Variants in NMRAL1 observed in about 807,000 individuals in gnomAD.
NMRAL1 encodes nmrA-like family domain-containing protein 1.
Under a neutral mutation model 27.5 loss-of-function variants are expected in NMRAL1, and 32 were observed. The observed-to-expected ratio is 1.16, with a 90% CI of 0.88 to 1.56. The LOEUF is 1.56. NMRAL1 is among the 40% of genes most tolerant of loss of function. NMRAL1 has a pLI of 0.00. For missense variants in NMRAL1, 420 were observed against 392.0 expected, an observed-to-expected ratio of 1.07 and a Z score of -0.60; for synonymous variants, 166 against 166.8, an observed-to-expected ratio of 1.00 and a Z score of 0.04.
intron 1 of NMRAL1, 65 bp downstream of exon 1, chr16:4,474,489 A>G (rs2057750884): frequency 4.0e-6 from 1 of 252,382 alleles, no homozygotes; most frequent in South Asian, 5.7e-5. Flanking sequence ...GGCCGAGTCC[A>G]CTGCAGAGGC....
chr16:4,469,579 AACG>A, intron 2 of NMRAL1, 114 bp from the exon 3 acceptor site: 1 of 1,535,644 alleles, frequency 6.5e-7, no homozygotes, highest in Non-Finnish European at 8.7e-7. Context: ...AAACCTTCTC[AACG>A]ACGATTCTCA....
intron 1 of NMRAL1, 27 bp from the exon 2 acceptor site, chr16:4,474,193 G>A: frequency 6.4e-7 from 1 of 1,565,544 alleles, no homozygotes; most frequent in Non-Finnish European, 8.7e-7. Context: ...GCGTGGAGTT[G>A]GGGGTGGGGC....
Position 4,463,863 on chromosome 16 carries a change from G to C in NMRAL1, c.530-13C>G. 3.1e-6 allele frequency: 5 copies of C among 1,609,694 alleles called. No homozygotes were observed. Among genetic ancestry groups the C allele is most frequent in the Non-Finnish European group, 4.2e-6 (5 of 1,176,956 alleles). ...CCTGTGGGCAAGCCTGTGGGGCAGA[G>C]ACGTGAGCTGGTATATGTCCCGAGG... On this transcript the variant is annotated splice_polypyrimidine_tract_variant and intron_variant, in intron 4 of 5. Coordinates refer to ENST00000283429, the MANE Select transcript of NMRAL1 (RefSeq NM_020677.6).
rs576478516 is a variant in NMRAL1, at chr16:4,462,143, A to G, written c.721-184T>C. ...ACTTCTAAGAGCCGAAAGTTCAGAA[A>G]CTGCTGCTCTCCTGAGCTGCCTGAC... On this transcript the variant is annotated intron_variant, in intron 5 of 5. Coordinates refer to ENST00000283429, the MANE Select transcript of NMRAL1 (RefSeq NM_020677.6). Among the ~76,000 whole-genome samples the G allele has an allele frequency of 4.6e-5, 7 of 152,320 alleles. 1 individual carries two copies. The South Asian group carries it at 1.5e-3, about 32-fold the overall frequency.
upstream of NMRAL1, among the ~76,000 whole-genome samples, chr16:4,475,172 C>G (rs1340457091): frequency 6.6e-6 from 1 of 151,812 alleles, no homozygotes; most frequent in Non-Finnish European, 1.5e-5. Context: ...AGGCAGGTCT[C>G]GAACTCCTGA....
rs17137053 is a variant in NMRAL1 at position 4,474,154 on chromosome 16, C to G, written c.-22G>C. On this transcript the variant is annotated 5_prime_UTR_variant, in exon 2 of 6. Transcript: ENST00000283429. Reference sequence around the variant, plus strand: ...CCATGAGGACGAGAATGGGACGAATCCGGTCCAGAGATCTGGGGGTAATGG... The same window carrying G: ...CCATGAGGACGAGAATGGGACGAATGCGGTCCAGAGATCTGGGGGTAATGG... The G allele has an allele frequency of 0.049, 78,378 of 1,608,280 alleles. 4,899 individuals carry two copies. Among genetic ancestry groups the G allele is most frequent in the African/African-American group, 0.3 (22,658 of 74,854 alleles).
At chr16:4,464,611 GTTTT>G (rs775753695) in intron 4 of NMRAL1, among the ~76,000 whole-genome samples, 2 of 133,052 alleles carry the variant, frequency 1.5e-5, no homozygotes, top group Non-Finnish European at 3.1e-5. Flanking sequence ...CTGACTGCAG[GTTTT>G]TTTTTTTTTT....
rs1234072941 is a variant in NMRAL1 at position 4,463,746 on chromosome 16, T to C, written c.634A>G (p.Ile212Val). 2.5e-6 allele frequency: 4 copies of C among 1,614,092 alleles called. No homozygotes were observed. The Admixed American group carries it at 6.7e-5, about 27-fold the overall frequency. ...KMPEKYVGQN[I>V]GLSTCRHTAE... is the part of the protein sequence containing the mutation. Reference sequence around the variant, plus strand: ...GTGTGCCTGCAAGTGCTCAGCCCGATGTTCTGGCCGACGTATTTTTCTGGC... The same window carrying C: ...GTGTGCCTGCAAGTGCTCAGCCCGACGTTCTGGCCGACGTATTTTTCTGGC... Residue 212 changes from isoleucine (I) to valine (V), a missense_variant, in exon 5 of 6, where the codon ATC becomes GTC. Coordinates refer to ENST00000283429, the MANE Select transcript of NMRAL1 (RefSeq NM_020677.6).
intron 2 of NMRAL1, among the ~76,000 whole-genome samples, chr16:4,473,728 C>T (rs2057693522): frequency 6.6e-6 from 1 of 151,882 alleles, no homozygotes; most frequent in Non-Finnish European, 1.5e-5. Flanking sequence ...GAGTTTGAGA[C>T]CAGCCTGACC....
intron 2 of NMRAL1, 120 bp from the exon 3 acceptor site, chr16:4,469,585 G>C: frequency 9.2e-6 from 14 of 1,526,986 alleles, no homozygotes; most frequent in Non-Finnish European, 9.6e-6. Context: ...TCTCAACGAC[G>C]ATTCTCATTC....
rs1266918173 is a variant in NMRAL1, at chr16:4,474,566, C to A, written c.-47G>T. 6.3e-6 allele frequency: 1 copy of A among 158,856 alleles called. No individual in the cohort carries two copies. 9.8% of individuals were successfully genotyped at this position (158,856 alleles called of 1,614,324 possible). A position where few individuals can be genotyped will look rare whatever the true frequency, so the allele number is the denominator to read the frequency against. The stretch of plus-strand genomic sequence containing the variant: ...GCTCCGGCCCCACCTGGCAGAGCGC[C>A]GCTCACGGAAGCCCAGCGTCGGAGG... On this transcript the variant is annotated 5_prime_UTR_variant, in exon 1 of 6. Transcript: ENST00000283429.
chr16:4,462,829 T>A (rs1211607515), intron 5 of NMRAL1, among the ~76,000 whole-genome samples: 2 of 151,610 alleles, frequency 1.3e-5, no homozygotes, highest in Non-Finnish European at 1.5e-5. Context: ...GACCCAACTT[T>A]CGTCTTTTAA....
intron 5 of NMRAL1, 125 bp downstream of exon 5, chr16:4,463,535 T>C (rs528195854): frequency 1.2e-5 from 9 of 752,624 alleles, no homozygotes; most frequent in Admixed American, 6.5e-5. Context: ...AAAATAAACG[T>C]TGACGATGAA....
intron 2 of NMRAL1, among the ~76,000 whole-genome samples, 185 bp downstream of exon 2, chr16:4,473,908 A>G (rs2057705235): frequency 6.6e-6 from 1 of 152,042 alleles, no homozygotes; most frequent in African/African-American, 2.4e-5. Context: ...CCTGGGTGAC[A>G]GAGCAAAACT....
At chr16:4,475,532 G>T (rs2057796524), upstream of NMRAL1, among the ~76,000 whole-genome samples, 1 of 151,278 alleles carries the variant, frequency 6.6e-6, no homozygotes, top group Non-Finnish European at 1.5e-5. Context: ...GGCTGGTCTC[G>T]AACTGCTGAC....
At chr16:4,470,986 A>G (rs1222139808) in intron 2 of NMRAL1, among the ~76,000 whole-genome samples, 1 of 151,284 alleles carries the variant, frequency 6.6e-6, no homozygotes, top group Non-Finnish European at 1.5e-5. Flanking sequence ...TGGAGCCTGT[A>G]ATCCCAGCTA....
intron 2 of NMRAL1, among the ~76,000 whole-genome samples, chr16:4,473,059 G>C (rs1009959400): frequency 6.8e-6 from 1 of 146,260 alleles, no homozygotes; most frequent in Non-Finnish European, 1.5e-5. Flanking sequence ...CTGCAGCCTT[G>C]ACCTGCTGGA....
intron 1 of NMRAL1, 181 bp from the exon 2 acceptor site, chr16:4,474,347 C>A (rs2057740257): frequency 1.9e-6 from 1 of 514,708 alleles, no homozygotes; most frequent in Non-Finnish European, 3.5e-6. Flanking sequence ...CCCTTGGGCC[C>A]GATCCCCTCC....
At chr16:4,469,572 C>G (rs533690822) in intron 2 of NMRAL1, 107 bp from the exon 3 acceptor site, 2 of 1,543,328 alleles carry the variant, frequency 1.3e-6, no homozygotes, top group Admixed American at 2.1e-5. Flanking sequence ...ATCCAGGAAA[C>G]CTTCTCAACG....
Sources: gnomAD v4.1 joint callset for allele counts (sites outside exome capture counted in the v4.1 genomes callset) on GRCh38, gnomAD v4.1.1 for gene constraint, MANE v1.5 for transcripts, NCBI Gene and HGNC (gene_info 2026-07-23, HGNC 2026-07-21) for gene names.